The following UGT2B28 variants were observed in gnomAD, a reference collection of about 807,000 sequenced individuals.
The protein encoded by UGT2B28 is UDP-glucuronosyltransferase 2B28.
Under a neutral mutation model 43.6 loss-of-function variants are expected in UGT2B28, and 45 were observed. The observed-to-expected ratio is 1.03, with a 90% CI of 0.81 to 1.32. The LOEUF (loss-of-function observed/expected upper bound fraction) is 1.32, where lower values mean the gene tolerates loss of function less well. UGT2B28 is among the 40% of genes most tolerant of loss of function. UGT2B28 has a pLI of 0.00. For synonymous variants in UGT2B28, 204 were observed against 208.1 expected (o/e 0.98, Z 0.17); for missense variants, 649 against 625.5 (o/e 1.04, Z -0.40).
At chr4:69,282,110 A>G (rs1208537169) in intron 1 of UGT2B28, among the ~76,000 whole-genome samples, 4 of 140,190 alleles carry the variant, frequency 2.9e-5, no homozygotes, top group African/African-American at 1.1e-4. Context: ...TGTAAACTGG[A>G]CTGTTAGAAA....
chr4:69,288,932 A>C lies in UGT2B28; in HGVS notation c.1003-733A>C, dbSNP rs1159341222. ...GCAAAATACATATTTTTGTTTTTTTATGGCTGCATAATATTCTGTAGTGTA... is the reference window on the plus strand; with the variant it reads ...GCAAAATACATATTTTTGTTTTTTTCTGGCTGCATAATATTCTGTAGTGTA... On this transcript the variant is annotated intron_variant, in intron 3 of 5. Coordinates refer to ENST00000335568, the MANE Select transcript of UGT2B28 (RefSeq NM_053039.2). Among the ~76,000 whole-genome samples the C allele has an allele frequency of 7.8e-5, 11 of 140,508 alleles. 3 individuals carry two copies. The highest frequency in any genetic ancestry group is 1.5e-4 in the Non-Finnish European group (10 of 65,796). 92.2% of individuals were successfully genotyped at this position (140,508 alleles called of 152,430 possible). A position where few individuals can be genotyped will look rare whatever the true frequency, so the allele number is the denominator to read the frequency against.
intron 3 of UGT2B28, 106 bp downstream of exon 3, chr4:69,286,989 A>T: frequency 6.8e-7 from 1 of 1,472,738 alleles, no homozygotes. Flanking sequence ...CTTTACAGCC[A>T]AATACAGTCT....
intron 1 of UGT2B28, among the ~76,000 whole-genome samples, chr4:69,281,939 T>G (rs865814115): frequency 1.4e-5 from 2 of 140,500 alleles, no homozygotes; most frequent in Middle Eastern, 3.6e-3. Context: ...TCTCAAAAAT[T>G]TCTAGCTATA....
In UGT2B28 at chr4:69,280,803, A is replaced by C. The variant is rs753304842; in HGVS notation, c.303A>C (p.Gln101His). The change falls in exon 1 of 6, where the codon CAA becomes CAC. Residue 101 changes from glutamine to histidine, a missense_variant. Coordinates refer to ENST00000335568, the MANE Select transcript of UGT2B28 (RefSeq NM_053039.2). ...MQQVKRWSDI[Q>H]KDSFWLYFSQ... Reference sequence around the variant, plus strand: ...AGGTTAAGAGATGGTCAGACATTCAAAAAGATAGCTTTTGGTTATATTTTT... The same window carrying C: ...AGGTTAAGAGATGGTCAGACATTCACAAAGATAGCTTTTGGTTATATTTTT... 1 of 1,568,400 alleles carries C rather than the reference A, an allele frequency of 6.4e-7. No homozygotes were observed. The highest frequency in any genetic ancestry group is 1.5e-5 in the African/African-American group (1 of 67,150).
chr4:69,291,354 CA>C (rs1226370121), intron 5 of UGT2B28, among the ~76,000 whole-genome samples: 1 of 140,356 alleles, frequency 7.1e-6, no homozygotes, highest in Non-Finnish European at 1.5e-5. Context: ...TTTATCAACA[CA>C]AAAGAAACTG....
At chr4:69,284,636 G>A (rs867951725) in intron 2 of UGT2B28, among the ~76,000 whole-genome samples, 2 of 139,822 alleles carry the variant, frequency 1.4e-5, no homozygotes, top group Middle Eastern at 3.6e-3. Context: ...AGGTGTAAAA[G>A]GACAAGAAAA....
At chr4:69,282,112 T>G (rs1268636766) in intron 1 of UGT2B28, among the ~76,000 whole-genome samples, 1 of 140,194 alleles carries the variant, frequency 7.1e-6, no homozygotes, top group Non-Finnish European at 1.5e-5. Context: ...TAAACTGGAC[T>G]GTTAGAAAAT....
chr4:69,294,426 A>G, intron 5 of UGT2B28, 104 bp from the exon 6 acceptor site: 1 of 1,169,386 alleles, frequency 8.6e-7, no homozygotes, highest in Non-Finnish European at 1.1e-6. Flanking sequence ...ATTCTTTCAA[A>G]TTTACTTTGA....
At chr4:69,283,263 A>G (rs1723674658) in intron 2 of UGT2B28, among the ~76,000 whole-genome samples, 1 of 139,088 alleles carries the variant, frequency 7.2e-6, no homozygotes, top group Non-Finnish European at 1.5e-5. Flanking sequence ...ACAGTTCTCA[A>G]GTCCTCAGGT....
At chr4:69,294,354 G>A (rs1251488784) in intron 5 of UGT2B28, among the ~76,000 whole-genome samples, 176 bp from the exon 6 acceptor site, 1 of 139,340 alleles carries the variant, frequency 7.2e-6, no homozygotes, top group Non-Finnish European at 1.5e-5. Context: ...AATGAGAAAA[G>A]TCCAATTTAA....
chr4:69,284,168 C>T lies in UGT2B28; in HGVS notation c.870+1506C>T, dbSNP rs549793168. 7.2e-5 allele frequency among the ~76,000 whole-genome samples: 10 copies of T among 139,764 alleles called. 4 individuals are homozygous for T. In the South Asian group the frequency reaches 2.4e-3, roughly 34 times the overall value. The allele number at this position is 139,764 out of a possible 152,430, so 91.7% of individuals were successfully genotyped here. On this transcript the variant is annotated intron_variant, in intron 2 of 5. Coordinates refer to ENST00000335568, the MANE Select transcript of UGT2B28 (RefSeq NM_053039.2). Reference sequence around the variant, plus strand: ...TTATCTCAACATCATAGGTGCCTGACAGAGAAGCACAGAGATAGTGAACAA... The same window carrying T: ...TTATCTCAACATCATAGGTGCCTGATAGAGAAGCACAGAGATAGTGAACAA...
Position 69,280,583 on chromosome 4 carries a change from T to A in UGT2B28, c.83T>A (p.Val28Glu). 1 of 1,560,716 alleles carries A rather than the reference T, an allele frequency of 6.4e-7. No homozygotes were observed. The highest frequency in any genetic ancestry group is 8.7e-7 in the Non-Finnish European group (1 of 1,155,814). The change falls in exon 1 of 6, where the codon GTG becomes GAG. Residue 28 changes from valine to glutamate, a missense_variant. Transcript: ENST00000335568. ...TCTGGGAGTTGTGGAAAGGTGCTGG[T>A]GTGGACCGGTGAATACAGCCATTGG... ...FSSGSCGKVL[V>E]WTGEYSHWMN...
chr4:69,286,967 C>G (rs4386668), intron 3 of UGT2B28, 84 bp downstream of exon 3: 780,214 of 1,507,530 alleles, frequency 0.52, 251,325 homozygotes, highest in Non-Finnish European at 0.54. Flanking sequence ...AATATTAAGG[C>G]TAGACTGAAC....
chr4:69,283,091 T>G (rs1178189111), intron 2 of UGT2B28, among the ~76,000 whole-genome samples: 1 of 140,544 alleles, frequency 7.1e-6, no homozygotes, highest in African/African-American at 2.8e-5. Context: ...AAAAAACTAT[T>G]ATCTCAAGGA....
At chr4:69,288,879 A>G (rs1226684682) in intron 3 of UGT2B28, among the ~76,000 whole-genome samples, 1 of 140,278 alleles carries the variant, frequency 7.1e-6, no homozygotes, top group Non-Finnish European at 1.5e-5. Context: ...TCCTAAGGCT[A>G]ATGGCCTCCA....
Position 69,294,996 on chromosome 4 carries a change from A to G in UGT2B28, c.*187A>G, listed in dbSNP as rs1177577193. 2 of 729,490 alleles carry G rather than the reference A, an allele frequency of 2.7e-6. 1 individual carries two copies. Among genetic ancestry groups the G allele is most frequent in the Non-Finnish European group, 3.8e-6 (2 of 524,466 alleles). The allele number at this position is 729,490 out of a possible 1,614,324, so 45.2% of individuals were successfully genotyped here. On this transcript the variant is annotated 3_prime_UTR_variant, in exon 6 of 6. Transcript: ENST00000335568. ...TTTACCACCCAGGTAATGGTTAGAA[A>G]TATTCTGTGGCAATGAAGAAAACAC...
Position 69,287,671 on chromosome 4 carries a change from G to T in UGT2B28, c.1002+788G>T, listed in dbSNP as rs1457216915. On this transcript the variant is annotated intron_variant, in intron 3 of 5. Coordinates refer to ENST00000335568, the MANE Select transcript of UGT2B28 (RefSeq NM_053039.2). Reference sequence around the variant, plus strand: ...ACTACCAGATTAACAACCCCTCCCAGTGGAGGCAGCAGTAGGAAATATAGG... The same window carrying T: ...ACTACCAGATTAACAACCCCTCCCATTGGAGGCAGCAGTAGGAAATATAGG... 4.3e-5 allele frequency among the ~76,000 whole-genome samples: 6 copies of T among 139,562 alleles called. 2 individuals are homozygous for T. Among genetic ancestry groups the T allele is most frequent in the African/African-American group, 1.7e-4 (6 of 35,562 alleles). 91.6% of individuals were successfully genotyped at this position (139,562 alleles called of 152,430 possible).
Position 69,282,787 on chromosome 4 carries a change from A to G in UGT2B28, c.870+125A>G, listed in dbSNP as rs1482041779. ...AGATGGGAAGTAGGTGGTGTAAAGC[A>G]GATACCAAATAGAAACTCATGTATA... On this transcript the variant is annotated intron_variant, in intron 2 of 5. Coordinates refer to ENST00000335568, the MANE Select transcript of UGT2B28 (RefSeq NM_053039.2). The G allele has an allele frequency of 9.1e-5, 124 of 1,369,544 alleles. 13 individuals carry two copies. Among genetic ancestry groups the G allele is most frequent in the Non-Finnish European group, 1.1e-4 (119 of 1,042,664 alleles). 84.8% of individuals were successfully genotyped at this position (1,369,544 alleles called of 1,614,324 possible). A position where few individuals can be genotyped will look rare whatever the true frequency, so the allele number is the denominator to read the frequency against.
In UGT2B28 at chr4:69,291,308, C is replaced by CAT. The variant is rs532507660; in HGVS notation, c.1310+498_1310+499dup. Among the ~76,000 whole-genome samples, 773 of 140,278 alleles carry CAT rather than the reference C, an allele frequency of 5.5e-3. 107 individuals are homozygous for CAT. Among genetic ancestry groups the CAT allele is most frequent in the Non-Finnish European group, 8.2e-3 (536 of 65,626 alleles). 92.0% of individuals were successfully genotyped at this position (140,278 alleles called of 152,430 possible). On this transcript the variant is annotated intron_variant, in intron 5 of 5. Coordinates refer to ENST00000335568, the MANE Select transcript of UGT2B28 (RefSeq NM_053039.2). ...AATGTTTTTACTATGTTTACAGAGT[C>CAT]ATGAAACTATCACCATCATATAATT...
Sources: gnomAD v4.1 joint callset for allele counts (sites outside exome capture counted in the v4.1 genomes callset) on GRCh38, gnomAD v4.1.1 for gene constraint, MANE v1.5 for transcripts, NCBI Gene and HGNC (gene_info 2026-07-23, HGNC 2026-07-21) for gene names.